The following THRB variants were observed in gnomAD, a reference collection of about 807,000 sequenced individuals.
THRB encodes the protein nuclear receptor subfamily 1 group A member 2.
Under a neutral mutation model 47.8 loss-of-function variants are expected in THRB, and 12 were observed. The observed-to-expected ratio is 0.25, with a 90% CI of 0.16 to 0.41. THRB has a LOEUF of 0.41. THRB is among the 10% of genes least tolerant of loss of function. THRB has a pLI of 1.00. For missense variants in THRB, 348 were observed against 589.2 expected, an observed-to-expected ratio of 0.59 and a Z score of 4.24; for synonymous variants, 218 against 212.2, an observed-to-expected ratio of 1.03 and a Z score of -0.24.
chr3:24,169,372 C>G (rs949360822), intron 5 of THRB, among the ~76,000 whole-genome samples: 4 of 152,078 alleles, frequency 2.6e-5, no homozygotes, highest in African/African-American at 9.7e-5. Context: ...GGAGCCCCAG[C>G]CATCATTTTG....
At chr3:24,484,725 C>A (rs912006450) in intron 1 of THRB, among the ~76,000 whole-genome samples, 1 of 152,112 alleles carries the variant, frequency 6.6e-6, no homozygotes, top group South Asian at 2.1e-4. Context: ...TTTTGTACTA[C>A]AATGGCAGAC....
At chr3:24,358,883 T>A (rs2149621029) in intron 1 of THRB, among the ~76,000 whole-genome samples, 1 of 152,302 alleles carries the variant, frequency 6.6e-6, no homozygotes, top group East Asian at 1.9e-4. Context: ...ATGACATCAA[T>A]AAAAGAACTT....
At chr3:24,421,310 C>T (rs2069237883) in intron 1 of THRB, among the ~76,000 whole-genome samples, 1 of 151,360 alleles carries the variant, frequency 6.6e-6, no homozygotes. Flanking sequence ...AGAAGTTTAC[C>T]TATGTAATAA....
chr3:24,122,518 A>G lies in THRB; in HGVS notation c.*366T>C, dbSNP rs865985057. 1 of 337,220 alleles carries G rather than the reference A, an allele frequency of 3.0e-6. No individual in the cohort carries two copies. 20.9% of individuals were successfully genotyped at this position (337,220 alleles called of 1,614,324 possible). Reference sequence around the variant, plus strand: ...ATCAGGATTGGGTGGAGGTGGTCGTATTATCTTGGTTTTAAGGCTTCTTTA... The same window carrying G: ...ATCAGGATTGGGTGGAGGTGGTCGTGTTATCTTGGTTTTAAGGCTTCTTTA... On this transcript the variant is annotated 3_prime_UTR_variant, in exon 11 of 11. Transcript: ENST00000646209.
chr3:24,461,997 T>C (rs762387519), intron 1 of THRB, among the ~76,000 whole-genome samples: 163 of 152,296 alleles, frequency 1.1e-3, no homozygotes, highest in Non-Finnish European at 1.9e-3. Context: ...CAAAATTATA[T>C]AAAGCCTCAT....
At chr3:24,384,110 T>A (rs573677335) in intron 1 of THRB, among the ~76,000 whole-genome samples, 1 of 152,156 alleles carries the variant, frequency 6.6e-6, no homozygotes, top group Non-Finnish European at 1.5e-5. Flanking sequence ...TCTTTCCACC[T>A]TTATACATGG....
intron 1 of THRB, among the ~76,000 whole-genome samples, chr3:24,485,845 T>A (rs1223007778): frequency 2.0e-5 from 3 of 152,240 alleles, no homozygotes; most frequent in Non-Finnish European, 4.4e-5. Flanking sequence ...TTTAATTGTC[T>A]GCTAAAGTAT....
intron 1 of THRB, among the ~76,000 whole-genome samples, chr3:24,340,740 T>C (rs542499366): frequency 6.6e-6 from 1 of 152,336 alleles, no homozygotes; most frequent in East Asian, 1.9e-4. Context: ...CAAATTAGAT[T>C]CTATAGAGGT....
At chr3:24,420,853 T>C (rs1311305553) in intron 1 of THRB, among the ~76,000 whole-genome samples, 1 of 151,940 alleles carries the variant, frequency 6.6e-6, no homozygotes, top group Non-Finnish European at 1.5e-5. Flanking sequence ...ACTAGGTATA[T>C]ACCAGAAGGA....
At chr3:24,335,587 C>A (rs1005087233) in intron 2 of THRB, among the ~76,000 whole-genome samples, 1 of 152,058 alleles carries the variant, frequency 6.6e-6, no homozygotes, top group East Asian at 1.9e-4. Context: ...TTAACAGATG[C>A]CAGGTAGCCC....
intron 1 of THRB, among the ~76,000 whole-genome samples, chr3:24,481,243 T>TGTTG (rs1160348407): frequency 4.2e-5 from 6 of 143,776 alleles, no homozygotes; most frequent in South Asian, 4.7e-4. Context: ...TTTTTTTTTT[T>TGTTG]TTTTTTTTTT....
At chr3:24,206,247 G>A (rs2045337256) in intron 4 of THRB, among the ~76,000 whole-genome samples, 1 of 152,114 alleles carries the variant, frequency 6.6e-6, no homozygotes, top group African/African-American at 2.4e-5. Flanking sequence ...CCACATAGTT[G>A]GAAGTAAAGC....
At chr3:24,178,547 TAATC>T (rs2041473255) in intron 5 of THRB, among the ~76,000 whole-genome samples, 1 of 152,168 alleles carries the variant, frequency 6.6e-6, no homozygotes, top group Admixed American at 6.5e-5. Flanking sequence ...TCCAAAATAA[TAATC>T]AGCCTGTATT....
At chr3:24,240,437 G>A (rs1261266187) in intron 3 of THRB, among the ~76,000 whole-genome samples, 1 of 152,200 alleles carries the variant, frequency 6.6e-6, no homozygotes, top group Non-Finnish European at 1.5e-5. Flanking sequence ...GATGCAGTAA[G>A]TCAGATTATC....
chr3:24,137,631 A>G lies in THRB; in HGVS notation c.739-4169T>C, dbSNP rs571122289. Among the ~76,000 whole-genome samples, 4 of 152,308 alleles carry G rather than the reference A, an allele frequency of 2.6e-5. No individual in the cohort carries two copies. In the South Asian group the frequency reaches 6.2e-4, roughly 24 times the overall value. ...AGGCCCGTGTGGTTAGAGCCCAGTG[A>G]TGGCATGAAATGAGGAAGCAGAGGT... On this transcript the variant is annotated intron_variant, in intron 8 of 10. Transcript: ENST00000646209.
intron 5 of THRB, among the ~76,000 whole-genome samples, chr3:24,161,727 T>C (rs558159483): frequency 1.3e-5 from 2 of 151,910 alleles, no homozygotes; most frequent in Non-Finnish European, 2.9e-5. Flanking sequence ...GTGGAGTTTC[T>C]GCTTCAGTTA....
chr3:24,475,498 T>C (rs1384749859), intron 1 of THRB, among the ~76,000 whole-genome samples: 1 of 151,770 alleles, frequency 6.6e-6, no homozygotes, highest in Non-Finnish European at 1.5e-5. Context: ...TGTGTATATA[T>C]GTGTGTAATT....
intron 5 of THRB, among the ~76,000 whole-genome samples, chr3:24,180,390 T>C (rs965154464): frequency 1.3e-5 from 2 of 152,204 alleles, no homozygotes; most frequent in African/African-American, 4.8e-5. Flanking sequence ...GTCTTTATCA[T>C]ATAGACAATT....
chr3:24,171,831 T>C (rs925803290), intron 5 of THRB, among the ~76,000 whole-genome samples: 1 of 152,102 alleles, frequency 6.6e-6, no homozygotes, highest in African/African-American at 2.4e-5. Context: ...CCTGGGAGTG[T>C]TAATTAGCAT....
Sources: allele counts gnomAD v4.1 joint callset (sites outside exome capture counted in the v4.1 genomes callset), GRCh38; gene constraint gnomAD v4.1.1; transcripts MANE v1.5; gene names NCBI Gene and HGNC (gene_info 2026-07-23, HGNC 2026-07-21).